The following NINJ1 variants were observed in gnomAD, a reference collection of about 807,000 sequenced individuals.
NINJ1 encodes the protein ninjurin-1.
In NINJ1, 6 loss-of-function variants were observed where a neutral mutation model predicts 12.7. The observed-to-expected ratio is 0.47, with a 90% CI of 0.26 to 0.93. The LOEUF is 0.93. Among genes scored for constraint, NINJ1 ranks in the 40% least tolerant of loss-of-function variants. NINJ1 has a pLI of 0.15. For missense variants in NINJ1, 170 were observed against 213.0 expected (o/e 0.80, Z 1.26); for synonymous variants, 100 against 96.0 (o/e 1.04, Z -0.25).
chr9:93,131,345 GC>G (rs1166210037), intron 1 of NINJ1: 6 of 152,246 alleles, frequency 3.9e-5, no homozygotes, highest in African/African-American at 1.4e-4. Flanking sequence ...TGTTAGGGTT[GC>G]CTTTTAGAAC....
chr9:93,126,395 C>A lies in NINJ1; in HGVS notation c.304+15G>T, dbSNP rs757437474. 8.1e-6 allele frequency: 13 copies of A among 1,604,674 alleles called. No individual in the cohort carries two copies. In the African/African-American group the frequency reaches 1.7e-4, roughly 21 times the overall value. Reference sequence around the variant, plus strand: ...GGTGAGCAGGTGGCCTGGCTGCCCCCACCTGGGGACCTACCAAGGAAGATG... The same window carrying A: ...GGTGAGCAGGTGGCCTGGCTGCCCCAACCTGGGGACCTACCAAGGAAGATG... On this transcript the variant is annotated intron_variant, in intron 2 of 3. Coordinates refer to ENST00000375446, the MANE Select transcript of NINJ1 (RefSeq NM_004148.4).
intron 3 of NINJ1, among the ~76,000 whole-genome samples, chr9:93,124,384 C>T (rs1170807817): frequency 2.0e-5 from 3 of 152,114 alleles, no homozygotes; most frequent in Non-Finnish European, 4.4e-5. Flanking sequence ...AAGCGATTCT[C>T]CTGCCTCAGC....
In NINJ1 at chr9:93,124,998, C is replaced by T. The variant is rs142555059; in HGVS notation, c.369G>A (p.Thr123=). The part of the protein sequence containing the change: ...AKLDFLNNLA[T]GLVFIIVVVN... ...CTACCACGATGATGAACACCAGGCCCGTGGCCAGGTTGTTGAGGAAGTCCA... is the reference window on the plus strand; with the variant it reads ...CTACCACGATGATGAACACCAGGCCTGTGGCCAGGTTGTTGAGGAAGTCCA... Residue 123 remains threonine (T), a synonymous_variant, in exon 3 of 4, where the codon ACG becomes ACA. Coordinates refer to ENST00000375446, the MANE Select transcript of NINJ1 (RefSeq NM_004148.4). The T allele has an allele frequency of 1.1e-4, 179 of 1,614,024 alleles. 1 individual carries two copies. Among genetic ancestry groups the T allele is most frequent in the East Asian group, 7.1e-4 (32 of 44,868 alleles).
chr9:93,126,590 C>A lies in NINJ1; in HGVS notation c.124G>T (p.Ala42Ser), dbSNP rs145421928. The A allele has an allele frequency of 1.2e-6, 2 of 1,613,228 alleles. No homozygotes were observed. The highest frequency in any genetic ancestry group is 2.2e-5 in the East Asian group (1 of 44,796). ...RHGPINVNHY[A>S]SKKSAAESML... ...CTCTCGGCTGCGCTCTTCTTGCTGGCGTAATGGTTCACGTTGATGGGCCCG... is the reference window on the plus strand; with the variant it reads ...CTCTCGGCTGCGCTCTTCTTGCTGGAGTAATGGTTCACGTTGATGGGCCCG... The change falls in exon 2 of 4, where the codon GCC (alanine) becomes TCC (serine). Residue 42 changes from alanine to serine, a missense_variant. Ala to Ser is a moderately conservative substitution (Grantham distance 99). Transcript: ENST00000375446.
At chr9:93,131,812 G>C (rs1444979613) in intron 1 of NINJ1, among the ~76,000 whole-genome samples, 1 of 152,196 alleles carries the variant, frequency 6.6e-6, no homozygotes, top group Non-Finnish European at 1.5e-5. Flanking sequence ...GCCCAACAGA[G>C]CCCACCCAGG....
At chr9:93,132,880 C>T (rs910394223) in intron 1 of NINJ1, among the ~76,000 whole-genome samples, 1 of 152,210 alleles carries the variant, frequency 6.6e-6, no homozygotes, top group Admixed American at 6.5e-5. Flanking sequence ...GAGCAGTATC[C>T]CTTCCTTTCC....
rs777243597 is a variant in NINJ1, at chr9:93,134,178, G to T, written c.40C>A (p.Leu14Met). The change falls in exon 1 of 4, where the codon CTG becomes ATG. Residue 14 changes from leucine (L) to methionine (M), a missense_variant. Physicochemically the swap from Leu to Met is conservative, Grantham distance 15. Transcript: ENST00000375446. ...GTEEYELNGG[L>M]PPGTPGSPDA... ...GGGGAGCCGGGTGTGCCCGGAGGCA[G>T]GCCGCCGTTGAGCTCGTACTCCTCG... 2.6e-6 allele frequency: 4 copies of T among 1,551,490 alleles called. No individual in the cohort carries two copies. In the South Asian group the frequency reaches 4.8e-5, roughly 19 times the overall value.
intron 1 of NINJ1, among the ~76,000 whole-genome samples, chr9:93,128,859 G>A (rs1014833966): frequency 2.6e-5 from 4 of 152,212 alleles, no homozygotes; most frequent in Non-Finnish European, 5.9e-5. Context: ...AGACACACAT[G>A]TGCACACAAT....
chr9:93,132,115 C>A (rs965057193), intron 1 of NINJ1, among the ~76,000 whole-genome samples: 3 of 152,280 alleles, frequency 2.0e-5, no homozygotes, highest in Admixed American at 2.0e-4. Context: ...GCGACCACAC[C>A]CATTTCACAG....
At chr9:93,132,029 G>A (rs1827902596) in intron 1 of NINJ1, among the ~76,000 whole-genome samples, 1 of 152,190 alleles carries the variant, frequency 6.6e-6, no homozygotes, top group Admixed American at 6.5e-5. Context: ...GGATGAGGGC[G>A]CTGAGTGCTG....
chr9:93,125,081 T>C lies in NINJ1; in HGVS notation c.305-19A>G, dbSNP rs772129769. ...TACTTGACTGTGGGCGAGAGAGGAG[T>C]GGATGGTGCCAAGGGCAGCCCAGAC... On this transcript the variant is annotated intron_variant, in intron 2 of 3. Transcript: ENST00000375446. The C allele has an allele frequency of 6.2e-7, 1 of 1,601,984 alleles. No individual in the cohort carries two copies. Among genetic ancestry groups the C allele is most frequent in the South Asian group, 1.1e-5 (1 of 89,212 alleles).
chr9:93,126,550 G>T lies in NINJ1; in HGVS notation c.164C>A (p.Ala55Glu). 6.2e-7 allele frequency: 1 copy of T among 1,614,130 alleles called. No individual in the cohort carries two copies. Among genetic ancestry groups the T allele is most frequent in the Non-Finnish European group, 8.5e-7 (1 of 1,180,010 alleles). ...CTGGGACGCGTTGGCCATCAGCAGC[G>T]CGATGTCCAGCATGCTCTCGGCTGC... ...KSAAESMLDIALLMANASQLK... is the reference protein window; with the variant it reads ...KSAAESMLDIELLMANASQLK... The change falls in exon 2 of 4, where the codon GCG becomes GAG. Residue 55 changes from alanine to glutamate, a missense_variant. Transcript: ENST00000375446.
chr9:93,126,517 G>A lies in NINJ1; in HGVS notation c.197C>T (p.Ala66Val), dbSNP rs1827811679. The change falls in exon 2 of 4, where the codon GCC (alanine) becomes GTC (valine). Residue 66 changes from alanine to valine, a missense_variant. Transcript: ENST00000375446. ...GAAGCTGGGGCCCTGTTCCACGACG[G>A]CCTTCAGCTGGGACGCGTTGGCCAT... The part of the protein sequence containing the change: ...LLMANASQLK[A>V]VVEQGPSFAF... The A allele has an allele frequency of 2.5e-6, 4 of 1,614,200 alleles. No homozygotes were observed. Among genetic ancestry groups the A allele is most frequent in the Non-Finnish European group, 2.5e-6 (3 of 1,180,038 alleles).
Position 93,126,532 on chromosome 9 carries a change from G to C in NINJ1, c.182C>G (p.Ala61Gly), listed in dbSNP as rs771785987. The part of the protein sequence containing the change: ...MLDIALLMAN[A>G]SQLKAVVEQG... ...TTCCACGACGGCCTTCAGCTGGGAC[G>C]CGTTGGCCATCAGCAGCGCGATGTC... is the stretch of plus-strand genomic sequence containing the variant. Residue 61 changes from alanine (A) to glycine (G), a missense_variant, in exon 2 of 4, where the codon GCG becomes GGG. By Grantham distance (60) the Ala-to-Gly change is moderately conservative. Transcript: ENST00000375446. 1.2e-6 allele frequency: 2 copies of C among 1,614,170 alleles called. No individual in the cohort carries two copies. The highest frequency in any genetic ancestry group is 3.3e-5 in the Admixed American group (2 of 60,022).
chr9:93,125,075 G>C lies in NINJ1; in HGVS notation c.305-13C>G, dbSNP rs1312709767. ...AGGTCGTACTTGACTGTGGGCGAGA[G>C]AGGAGTGGATGGTGCCAAGGGCAGC... On this transcript the variant is annotated splice_polypyrimidine_tract_variant and intron_variant, in intron 2 of 3. Transcript: ENST00000375446. 1 of 1,606,730 alleles carries C rather than the reference G, an allele frequency of 6.2e-7. No homozygotes were observed. Among genetic ancestry groups the C allele is most frequent in the Admixed American group, 1.7e-5 (1 of 59,410 alleles).
At chr9:93,124,284 G>A (rs1400903303) in intron 3 of NINJ1, among the ~76,000 whole-genome samples, 1 of 152,144 alleles carries the variant, frequency 6.6e-6, no homozygotes, top group Non-Finnish European at 1.5e-5. Context: ...TGGGTTTTGG[G>A]TGTTTTTTGA....
intron 3 of NINJ1, among the ~76,000 whole-genome samples, 171 bp downstream of exon 3, chr9:93,124,728 G>A (rs893704739): frequency 1.1e-4 from 16 of 152,228 alleles, no homozygotes; most frequent in African/African-American, 3.9e-4. Flanking sequence ...ACCAGTGGCA[G>A]GGCTGGCCTC....
At chr9:93,125,103 A>G (rs1303969494) in intron 2 of NINJ1, 41 bp from the exon 3 acceptor site, 4 of 1,575,202 alleles carry the variant, frequency 2.5e-6, no homozygotes, top group Non-Finnish European at 3.5e-6. Flanking sequence ...AGGGCAGCCC[A>G]GACGCAGCGC....
At chr9:93,124,493 T>C (rs59712849) in intron 3 of NINJ1, among the ~76,000 whole-genome samples, 23,139 of 152,064 alleles carry the variant, frequency 0.15, 1,888 homozygotes, top group African/African-American at 0.19. Flanking sequence ...GAGGCTGGTC[T>C]CGAACTCCTG....
Sources: gnomAD v4.1 joint callset for allele counts (sites outside exome capture counted in the v4.1 genomes callset) on GRCh38, gnomAD v4.1.1 for gene constraint, MANE v1.5 for transcripts, NCBI Gene and HGNC (gene_info 2026-07-23, HGNC 2026-07-21) for gene names.